The following MTF1 variants were observed in gnomAD, a reference collection of about 807,000 sequenced individuals.
MTF1 encodes metal regulatory transcription factor 1, also known as MRE-binding transcription factor.
Under a neutral mutation model 70.4 loss-of-function variants are expected in MTF1, and 22 were observed. The ratio of observed to expected loss-of-function variants is 0.31; its 90% confidence interval spans 0.22 to 0.45. The LOEUF (loss-of-function observed/expected upper bound fraction) is 0.45. Ranked by LOEUF, MTF1 falls within the 20% of genes least tolerant of loss-of-function variation. MTF1 has a pLI of 1.00. For missense variants in MTF1, 649 were observed against 922.0 expected, an observed-to-expected ratio of 0.70 and a Z score of 3.83; for synonymous variants, 333 against 352.8, an observed-to-expected ratio of 0.94 and a Z score of 0.63.
chr1:37,855,634 G>T (rs1641480254), intron 2 of MTF1, among the ~76,000 whole-genome samples: 1 of 152,108 alleles, frequency 6.6e-6, no homozygotes, highest in Admixed American at 6.6e-5. Flanking sequence ...AACTACTAGT[G>T]ACTTATTTTT....
Position 37,835,145 on chromosome 1 carries a change from A to G in MTF1, c.924T>C (p.Ser308=). The G allele has an allele frequency of 1.2e-6, 2 of 1,613,834 alleles. No homozygotes were observed. Among genetic ancestry groups the G allele is most frequent in the African/African-American group, 1.3e-5 (1 of 75,026 alleles). ...KTFSTQYSLK[S]HMKGHDNKGH... is the part of the protein sequence containing the mutation. ...CTTTGTTATCATGACCTTTCATGTGACTTTTGAGACTGTATTGAGTGCTGA... is the reference window on the plus strand; with the variant it reads ...CTTTGTTATCATGACCTTTCATGTGGCTTTTGAGACTGTATTGAGTGCTGA... The change falls in exon 6 of 11, where the codon AGT becomes AGC. Residue 308 remains serine (S), a synonymous_variant. Coordinates refer to ENST00000373036, the MANE Select transcript of MTF1 (RefSeq NM_005955.3).
chr1:37,821,114 T>C (rs1569848342), intron 9 of MTF1, among the ~76,000 whole-genome samples: 7 of 151,872 alleles, frequency 4.6e-5, no homozygotes, highest in Non-Finnish European at 1.0e-4. Flanking sequence ...AGGTGGAGGT[T>C]GTAGTGAGCT....
intron 4 of MTF1, 28 bp downstream of exon 4, chr1:37,838,597 G>T: frequency 6.3e-7 from 1 of 1,594,808 alleles, no homozygotes; most frequent in South Asian, 1.1e-5. Flanking sequence ...AACCTGGTCA[G>T]TGACAAATAG....
chr1:37,834,972 GCTCA>G (rs1182051428), intron 6 of MTF1, 103 bp downstream of exon 6: 8 of 1,219,018 alleles, frequency 6.6e-6, no homozygotes, highest in Non-Finnish European at 9.4e-6. Flanking sequence ...ACTTCTTCCC[GCTCA>G]CTAACAGATA....
chr1:37,822,243 T>G lies in MTF1; in HGVS notation c.1645A>C (p.Thr549Pro). The part of the protein sequence containing the change: ...GANSVLTNNP[T>P]ITITPTPNTA... Reference sequence around the variant, plus strand: ...TTGGGAGTTGGGGTGATGGTTATTGTGGGATTATTAGTTAGGACAGAGTTG... The same window carrying G: ...TTGGGAGTTGGGGTGATGGTTATTGGGGGATTATTAGTTAGGACAGAGTTG... Residue 549 changes from threonine to proline, a missense_variant, in exon 9 of 11, where the codon ACA becomes CCA. Coordinates refer to ENST00000373036, the MANE Select transcript of MTF1 (RefSeq NM_005955.3). The G allele has an allele frequency of 6.2e-7, 1 of 1,614,118 alleles. No individual in the cohort carries two copies. Among genetic ancestry groups the G allele is most frequent in the Non-Finnish European group, 8.5e-7 (1 of 1,180,022 alleles).
At chr1:37,826,347 C>T (rs537328748) in intron 7 of MTF1, among the ~76,000 whole-genome samples, 77 of 152,232 alleles carry the variant, frequency 5.1e-4, no homozygotes, top group African/African-American at 1.6e-3. Flanking sequence ...AGTGCAGAGG[C>T]GCAGTCAAGT....
intron 8 of MTF1, among the ~76,000 whole-genome samples, chr1:37,822,948 T>C (rs1640941147): frequency 6.6e-6 from 1 of 152,214 alleles, no homozygotes; most frequent in Admixed American, 6.5e-5. Context: ...GTTCTAACCA[T>C]TTAAAAAAGT....
chr1:37,853,004 C>T (rs1335463736), intron 2 of MTF1, among the ~76,000 whole-genome samples: 3 of 152,334 alleles, frequency 2.0e-5, no homozygotes, highest in African/African-American at 4.8e-5. Context: ...GAAGTTCTCT[C>T]GTACTTCTAC....
chr1:37,849,679 G>T (rs905458425), intron 2 of MTF1, among the ~76,000 whole-genome samples: 6 of 152,104 alleles, frequency 3.9e-5, no homozygotes, highest in African/African-American at 1.4e-4. Context: ...GTCCTGGCAG[G>T]TTCTATGGAA....
intron 3 of MTF1, 41 bp downstream of exon 3, chr1:37,839,879 T>C: frequency 6.6e-7 from 1 of 1,525,120 alleles, no homozygotes; most frequent in South Asian, 1.1e-5. Context: ...CACAACAAGG[T>C]CAAGGTCAGA....
intron 2 of MTF1, among the ~76,000 whole-genome samples, chr1:37,854,433 G>C (rs1204133939): frequency 6.6e-6 from 1 of 152,130 alleles, no homozygotes; most frequent in Non-Finnish European, 1.5e-5. Flanking sequence ...ACTATTTTGG[G>C]CCAGTTCTTT....
At chr1:37,817,540 G>T in intron 9 of MTF1, 58 bp from the exon 10 acceptor site, 1 of 1,203,172 alleles carries the variant, frequency 8.3e-7, no homozygotes. Context: ...GATCCCCAGG[G>T]ACCTGAAGCC....
intron 2 of MTF1, 80 bp downstream of exon 2, chr1:37,857,171 C>T: frequency 1.4e-6 from 2 of 1,433,958 alleles, no homozygotes; most frequent in Non-Finnish European, 1.9e-6. Flanking sequence ...TCCTTTACTC[C>T]CCAGCTAAAA....
At chr1:37,835,609 C>A in intron 5 of MTF1, 62 bp downstream of exon 5, 1 of 1,235,938 alleles carries the variant, frequency 8.1e-7, no homozygotes, top group South Asian at 1.2e-5. Flanking sequence ...CCTAGCTCTA[C>A]AGGTCTCAAT....
chr1:37,857,603 T>C lies in MTF1; in HGVS notation c.56A>G (p.Glu19Gly), dbSNP rs772857648. Residue 19 changes from glutamate to glycine, a missense_variant, in exon 2 of 11, where the codon GAG becomes GGG. Physicochemically the swap from Glu to Gly is moderately conservative, Grantham distance 98. This residue lies in a region of MTF1 where 34 missense variants were observed against 38.7 expected (regional missense o/e 0.88). Coordinates refer to ENST00000373036, the MANE Select transcript of MTF1 (RefSeq NM_005955.3). ...NIIYFEAEEDELTPDDKMLRF... is the reference protein window; with the variant it reads ...NIIYFEAEEDGLTPDDKMLRF... ...GAGCATTTTATCATCGGGGGTCAGC[T>C]CATCTTCCTCTGCCTCAAAGTAGAT... 6.2e-7 allele frequency: 1 copy of C among 1,614,150 alleles called. No homozygotes were observed. Among genetic ancestry groups the C allele is most frequent in the Non-Finnish European group, 8.5e-7 (1 of 1,180,034 alleles).
At chr1:37,856,657 G>T (rs867093463) in intron 2 of MTF1, among the ~76,000 whole-genome samples, 44 of 151,760 alleles carry the variant, frequency 2.9e-4, no homozygotes, top group Admixed American at 4.6e-4. Flanking sequence ...GTGCCACCAA[G>T]CCTGGCTAAT....
chr1:37,815,386 A>G lies in MTF1; in HGVS notation c.2012T>C (p.Leu671Pro). 4 of 1,614,042 alleles carry G rather than the reference A, an allele frequency of 2.5e-6. No homozygotes were observed. Among genetic ancestry groups the G allele is most frequent in the Non-Finnish European group, 3.4e-6 (4 of 1,180,010 alleles). Residue 671 changes from leucine (L) to proline (P), a missense_variant, in exon 11 of 11, where the codon CTG (leucine) becomes CCG (proline). This residue lies in a region of MTF1 where 138 missense variants were observed against 134.4 expected (regional missense o/e 1.03). Coordinates refer to ENST00000373036, the MANE Select transcript of MTF1 (RefSeq NM_005955.3). This position sits in a 1 kb window ranked among gnomAD's most constrained non-coding sequence, Gnocchi z 4.5. ...PSPQAPDGPS[L>P]QLPAQTFSSA... ...AGAGAAAGTCTGCGCTGGGAGCTGC[A>G]GGCTGGGCCCATCAGGAGCCTGGGG... is the stretch of plus-strand genomic sequence containing the variant.
intron 2 of MTF1, among the ~76,000 whole-genome samples, chr1:37,849,669 G>A (rs908609602): frequency 6.6e-6 from 1 of 152,096 alleles, no homozygotes; most frequent in African/African-American, 2.4e-5. Flanking sequence ...TAACTAGACC[G>A]TCCTGGCAGG....
intron 7 of MTF1, chr1:37,826,698 G>A (rs965330768): frequency 7.4e-6 from 3 of 407,842 alleles, no homozygotes; most frequent in African/African-American, 4.2e-5. Flanking sequence ...ATTATGTGAG[G>A]CCAGGCGCAG....
Sources: gnomAD v4.1 joint callset for allele counts (sites outside exome capture counted in the v4.1 genomes callset) on GRCh38, gnomAD v4.1.1 for gene constraint, gnomAD v4.1.1 regional missense constraint, Gnocchi (gnomAD v3.1) non-coding constraint, MANE v1.5 for transcripts, NCBI Gene and HGNC (gene_info 2026-07-23, HGNC 2026-07-21) for gene names.